CNTLN: variants seen among roughly 807,000 people sequenced by gnomAD.
The protein encoded by CNTLN is centlein, centrosomal protein.
In CNTLN, 212 loss-of-function variants were observed where a neutral mutation model predicts 180.0. That is an observed-to-expected ratio of 1.18 (90% confidence interval 1.05 to 1.32). The LOEUF (loss-of-function observed/expected upper bound fraction) is 1.32. Ranked by LOEUF, CNTLN falls within the 40% of genes most tolerant of loss-of-function variation. The probability of loss-of-function intolerance (pLI) is 0.00; values close to 1 mark genes in which losing one functional copy is unlikely to be tolerated. For missense variants in CNTLN, 2,095 were observed against 1,610.9 expected (o/e 1.30, Z -5.14); for synonymous variants, 722 against 563.1 (o/e 1.28, Z -3.99).
At chr9:17,495,987 A>G (rs574178316) in intron 25 of CNTLN, among the ~76,000 whole-genome samples, 4 of 152,302 alleles carry the variant, frequency 2.6e-5, no homozygotes, top group South Asian at 2.1e-4. Context: ...GTAACAGGCT[A>G]TATCATCTAG....
At chr9:17,443,401 A>G (rs529339624) in intron 18 of CNTLN, among the ~76,000 whole-genome samples, 1 of 152,364 alleles carries the variant, frequency 6.6e-6, no homozygotes, top group South Asian at 2.1e-4. Flanking sequence ...TTTAAATAAT[A>G]GCAGGTATTG....
At chr9:17,409,714 A>C in intron 16 of CNTLN, among the ~76,000 whole-genome samples, 1 of 151,860 alleles carries the variant, frequency 6.6e-6, no homozygotes, top group Admixed American at 6.6e-5. Flanking sequence ...ATCTCAGCAA[A>C]AAAGTGGTTA....
At chr9:17,263,657 C>G (rs912077525) in intron 5 of CNTLN, among the ~76,000 whole-genome samples, 4 of 145,282 alleles carry the variant, frequency 2.8e-5, no homozygotes, top group Admixed American at 1.4e-4. Flanking sequence ...ACAGTTCCAC[C>G]AACAGTGTAA....
intron 2 of CNTLN, among the ~76,000 whole-genome samples, chr9:17,182,775 C>T (rs564932059): frequency 1.3e-5 from 2 of 152,236 alleles, no homozygotes; most frequent in South Asian, 4.2e-4. Context: ...CCTGTTGAGT[C>T]GTGAATTAAA....
intron 19 of CNTLN, among the ~76,000 whole-genome samples, chr9:17,462,294 CAGCTGG>C (rs1831501640): frequency 6.6e-6 from 1 of 151,720 alleles, no homozygotes; most frequent in African/African-American, 2.4e-5. Flanking sequence ...TACTACCTGT[CAGCTGG>C]AGTACCTTGG....
At chr9:17,223,089 A>AAAC (rs1824249639) in intron 2 of CNTLN, among the ~76,000 whole-genome samples, 1 of 151,986 alleles carries the variant, frequency 6.6e-6, no homozygotes. Flanking sequence ...GGTAATAGGC[A>AAAC]GGTTGTGTTT....
intron 12 of CNTLN, among the ~76,000 whole-genome samples, chr9:17,362,808 A>G (rs1176074366): frequency 6.6e-6 from 1 of 152,062 alleles, no homozygotes; most frequent in Admixed American, 6.6e-5. Flanking sequence ...TTACATAGGT[A>G]TACACGTGCC....
At chr9:17,210,452 C>G (rs1177976849) in intron 2 of CNTLN, among the ~76,000 whole-genome samples, 1 of 152,160 alleles carries the variant, frequency 6.6e-6, no homozygotes, top group African/African-American at 2.4e-5. Flanking sequence ...TTTTCTTAAT[C>G]TAGTCTATCA....
chr9:17,405,603 C>G (rs1481677633), intron 15 of CNTLN, among the ~76,000 whole-genome samples: 1 of 151,500 alleles, frequency 6.6e-6, no homozygotes, highest in Non-Finnish European at 1.5e-5. Flanking sequence ...TAGATTCCAC[C>G]TCCCAACACT....
intron 2 of CNTLN, among the ~76,000 whole-genome samples, chr9:17,177,865 A>G (rs1820828217): frequency 6.6e-6 from 1 of 152,122 alleles, no homozygotes; most frequent in Non-Finnish European, 1.5e-5. Flanking sequence ...ATGGGTTGCC[A>G]CTGCTGGCTC....
chr9:17,268,512 GC>G (rs1563940639), intron 5 of CNTLN, among the ~76,000 whole-genome samples: 1 of 152,206 alleles, frequency 6.6e-6, no homozygotes, highest in African/African-American at 2.4e-5. Flanking sequence ...GAGGCAGTCT[GC>G]CCGTTCTCAG....
chr9:17,443,903 C>A (rs954809455), intron 18 of CNTLN, among the ~76,000 whole-genome samples: 1 of 151,870 alleles, frequency 6.6e-6, no homozygotes, highest in Non-Finnish European at 1.5e-5. Flanking sequence ...AATAAAGAAA[C>A]AAGGGAGAGA....
intron 6 of CNTLN, among the ~76,000 whole-genome samples, chr9:17,283,522 T>C (rs533743549): frequency 2.0e-5 from 3 of 152,254 alleles, no homozygotes; most frequent in East Asian, 3.9e-4. Context: ...TTTCTAGATA[T>C]AGAATCATGT....
intron 18 of CNTLN, among the ~76,000 whole-genome samples, chr9:17,456,864 A>G (rs1831151462): frequency 6.6e-6 from 1 of 152,154 alleles, no homozygotes; most frequent in African/African-American, 2.4e-5. Flanking sequence ...TCCTTCATAA[A>G]AACATTACTA....
At position 17,135,114 on chromosome 9, in the gene CNTLN, C is replaced by G; in HGVS notation, c.49C>G (p.Gln17Glu). ...ACCGCACCCTTCGCCCCCAGCGCGA[C>G]AGCTGGGCCCCAGGTCCCCACGTGT... ...PSPHPSPPAR[Q>E]LGPRSPRVGR... Residue 17 changes from glutamine to glutamate, a missense_variant, in exon 1 of 26, where the codon CAG (glutamine) becomes GAG (glutamate). Gln to Glu is a conservative substitution (Grantham distance 29). Coordinates refer to ENST00000380647, the MANE Select transcript of CNTLN (RefSeq NM_017738.4). The G allele has an allele frequency of 1.2e-6, 2 of 1,606,610 alleles. No individual in the cohort carries two copies. Among genetic ancestry groups the G allele is most frequent in the South Asian group, 2.2e-5 (2 of 89,680 alleles).
chr9:17,510,572 G>A, the CNTLN span, among the ~76,000 whole-genome samples: 3 of 152,162 alleles, frequency 2.0e-5, no homozygotes, highest in Non-Finnish European at 4.4e-5. Context: ...CATTCAGTTA[G>A]TTGAGTACAA....
At chr9:17,244,507 C>T (rs552328916) in intron 5 of CNTLN, among the ~76,000 whole-genome samples, 4 of 152,310 alleles carry the variant, frequency 2.6e-5, no homozygotes, top group East Asian at 1.9e-4. Context: ...TATGCACCAC[C>T]ATGCCTGGTC....
intron 13 of CNTLN, among the ~76,000 whole-genome samples, chr9:17,381,557 C>T (rs1405182898): frequency 6.6e-6 from 1 of 152,170 alleles, no homozygotes; most frequent in East Asian, 1.9e-4. Flanking sequence ...TATATTTTGC[C>T]ACCCACCACC....
intron 25 of CNTLN, among the ~76,000 whole-genome samples, chr9:17,499,970 C>T (rs942784271): frequency 3.2e-4 from 49 of 152,006 alleles, no homozygotes; most frequent in African/African-American, 1.1e-3. Context: ...AATTTTAAAT[C>T]TCACACTAGT....
Sources: allele counts gnomAD v4.1 joint callset (sites outside exome capture counted in the v4.1 genomes callset), GRCh38; gene constraint gnomAD v4.1.1; transcripts MANE v1.5; gene names NCBI Gene and HGNC (gene_info 2026-07-23, HGNC 2026-07-21).